Variants in ITGA8 observed in about 807,000 individuals in gnomAD.
ITGA8 encodes the protein integrin alpha-8.
In ITGA8, 91 loss-of-function variants were observed where a neutral mutation model predicts 142.3. That is an observed-to-expected ratio of 0.64 (90% confidence interval 0.54 to 0.76). The LOEUF is 0.76. Ranked by LOEUF, ITGA8 falls within the 30% of genes least tolerant of loss-of-function variation. The probability of loss-of-function intolerance (pLI) is 0.00; values close to 1 mark genes in which losing one functional copy is unlikely to be tolerated. For missense variants in ITGA8, 1,406 were observed against 1,327.7 expected, an observed-to-expected ratio of 1.06 and a Z score of -0.92; for synonymous variants, 505 against 485.2, an observed-to-expected ratio of 1.04 and a Z score of -0.54.
chr10:15,665,596 C>T (rs1321124250), intron 8 of ITGA8, among the ~76,000 whole-genome samples: 2 of 152,106 alleles, frequency 1.3e-5, no homozygotes, highest in African/African-American at 4.8e-5. Context: ...TTGCCCATGC[C>T]TATGTCCTGG....
chr10:15,659,452 A>G (rs1834245637), intron 9 of ITGA8, among the ~76,000 whole-genome samples: 1 of 152,238 alleles, frequency 6.6e-6, no homozygotes, highest in Non-Finnish European at 1.5e-5. Context: ...TTAAAATGCT[A>G]TCCACATGGC....
intron 28 of ITGA8, among the ~76,000 whole-genome samples, chr10:15,524,397 C>T (rs1833127683): frequency 6.6e-6 from 1 of 152,168 alleles, no homozygotes; most frequent in African/African-American, 2.4e-5. Flanking sequence ...ATTCAAATAA[C>T]TGAATAATTT....
chr10:15,559,579 G>A (rs1833939678), intron 25 of ITGA8, among the ~76,000 whole-genome samples: 1 of 152,094 alleles, frequency 6.6e-6, no homozygotes, highest in South Asian at 2.1e-4. Flanking sequence ...GCAAAAATAA[G>A]AGAGTGACAA....
chr10:15,630,363 A>T (rs1012780529), intron 13 of ITGA8, among the ~76,000 whole-genome samples: 11 of 152,052 alleles, frequency 7.2e-5, no homozygotes, highest in Non-Finnish European at 1.3e-4. Context: ...TTCACTTAAC[A>T]AATATCGACA....
At chr10:15,616,644 T>C (rs1833397780) in intron 13 of ITGA8, 85 bp from the exon 14 acceptor site, 1 of 1,063,350 alleles carries the variant, frequency 9.4e-7, no homozygotes, top group Non-Finnish European at 1.5e-6. Context: ...GCACATAGAA[T>C]ACCCCTACAT....
chr10:15,613,815 T>C (rs1833345894), intron 14 of ITGA8, 48 bp from the exon 15 acceptor site: 1 of 1,351,488 alleles, frequency 7.4e-7, no homozygotes, highest in Non-Finnish European at 1.1e-6. Flanking sequence ...ACAAGGGTGA[T>C]AGGCAGGCAG....
chr10:15,661,989 G>T (rs1834296260), intron 8 of ITGA8, among the ~76,000 whole-genome samples: 2 of 152,206 alleles, frequency 1.3e-5, no homozygotes, highest in South Asian at 4.2e-4. Context: ...CAGGCCTGTG[G>T]GTGAGGACAG....
chr10:15,596,598 C>T (rs1833014995), intron 21 of ITGA8: 1 of 152,410 alleles, frequency 6.6e-6, no homozygotes, highest in East Asian at 1.9e-4. Context: ...TACCCAAGAT[C>T]AACGCAACAT....
At chr10:15,617,866 C>T (rs1833423018) in intron 13 of ITGA8, among the ~76,000 whole-genome samples, 6 of 152,044 alleles carry the variant, frequency 3.9e-5, no homozygotes, top group South Asian at 2.1e-4. Flanking sequence ...AAGAACATGT[C>T]GTATATAAAC....
chr10:15,553,384 CTGAT>C (rs1335192492), intron 26 of ITGA8, among the ~76,000 whole-genome samples: 1 of 147,206 alleles, frequency 6.8e-6, no homozygotes, highest in Non-Finnish European at 1.5e-5. Context: ...TTAAGTTTAA[CTGAT>C]TGAGATTTGC....
chr10:15,558,879 T>C (rs1833928394), intron 25 of ITGA8, among the ~76,000 whole-genome samples: 1 of 152,208 alleles, frequency 6.6e-6, no homozygotes, highest in African/African-American at 2.4e-5. Flanking sequence ...GGATAAATAT[T>C]TTGAGAATTC....
rs1833219201 is a variant in ITGA8 at position 15,607,673 on chromosome 10, T to G, written c.1764+4A>C. On this transcript the variant is annotated splice_donor_region_variant and intron_variant, in intron 17 of 29. Coordinates refer to ENST00000378076, the MANE Select transcript of ITGA8 (RefSeq NM_003638.3). ...GGCCAGAGAAGTCTTTCTGGAATAC[T>G]TACTCGAAGGTAAACGATGAAATCC... The G allele has an allele frequency of 6.2e-7, 1 of 1,613,444 alleles. No individual in the cohort carries two copies. Among genetic ancestry groups the G allele is most frequent in the Admixed American group, 1.7e-5 (1 of 59,998 alleles).
intron 25 of ITGA8, among the ~76,000 whole-genome samples, chr10:15,562,455 G>A (rs767625279): frequency 2.6e-5 from 4 of 152,172 alleles, no homozygotes; most frequent in African/African-American, 9.7e-5. Flanking sequence ...GGAGGTTATG[G>A]GGGCTTGTAA....
rs1436557510 is a variant in ITGA8 at position 15,687,923 on chromosome 10, A to C, written c.444+15T>G. 6.7e-7 allele frequency: 1 copy of C among 1,499,658 alleles called. No homozygotes were observed. The highest frequency in any genetic ancestry group is 1.7e-5 in the Admixed American group (1 of 59,878). 92.9% of individuals were successfully genotyped at this position (1,499,658 alleles called of 1,614,324 possible). On this transcript the variant is annotated intron_variant, in intron 3 of 29. Coordinates refer to ENST00000378076, the MANE Select transcript of ITGA8 (RefSeq NM_003638.3). ...TACTCCAAAGCAGCAGCACAAGCCC[A>C]CGGCTCATACTCACCACAACTTTTC...
At chr10:15,689,921 G>A (rs1023470036) in intron 2 of ITGA8, among the ~76,000 whole-genome samples, 6 of 152,072 alleles carry the variant, frequency 3.9e-5, no homozygotes, top group Non-Finnish European at 8.8e-5. Flanking sequence ...GCACCCCTTC[G>A]GCGCCAGAAC....
chr10:15,591,728 A>T (rs1043218084), intron 22 of ITGA8, among the ~76,000 whole-genome samples: 15 of 152,240 alleles, frequency 9.9e-5, no homozygotes, highest in Admixed American at 3.3e-4. Flanking sequence ...TCATTGCTAG[A>T]GAAGGGCTTG....
chr10:15,663,751 T>G (rs938724869), intron 8 of ITGA8, among the ~76,000 whole-genome samples: 6 of 152,048 alleles, frequency 3.9e-5, no homozygotes, highest in Admixed American at 3.3e-4. Context: ...TTTTTGTATT[T>G]TTGAGAGGAG....
intron 8 of ITGA8, among the ~76,000 whole-genome samples, chr10:15,667,259 G>A (rs1397931437): frequency 1.3e-5 from 2 of 152,126 alleles, no homozygotes; most frequent in South Asian, 2.1e-4. Flanking sequence ...TGATGTATGT[G>A]TTGAGGAATT....
intron 2 of ITGA8, among the ~76,000 whole-genome samples, chr10:15,717,219 C>A (rs552316554): frequency 6.6e-6 from 1 of 152,130 alleles, no homozygotes; most frequent in African/African-American, 2.4e-5. Flanking sequence ...TTCTTTTCCA[C>A]GACCATAAAT....
Sources: allele counts gnomAD v4.1 joint callset (sites outside exome capture counted in the v4.1 genomes callset), GRCh38; gene constraint gnomAD v4.1.1; transcripts MANE v1.5; gene names NCBI Gene and HGNC (gene_info 2026-07-23, HGNC 2026-07-21).